Variants in MAGI3 observed in about 807,000 individuals in gnomAD.
MAGI3 encodes the protein membrane associated guanylate kinase, WW and PDZ domain containing 3, also known as membrane-associated guanylate kinase, WW and PDZ domain-containing protein 3.
A neutral mutation model predicts 121.8 loss-of-function variants in MAGI3; 43 were observed. The observed-to-expected ratio is 0.35, with a 90% CI of 0.28 to 0.46. The LOEUF (loss-of-function observed/expected upper bound fraction) is 0.46, where lower values mean the gene tolerates loss of function less well. MAGI3 is among the 20% of genes least tolerant of loss of function. The pLI, the probability that MAGI3 is intolerant of heterozygous loss-of-function variation, is 1.00. For missense variants in MAGI3, 1,547 were observed against 1,797.3 expected (o/e 0.86, Z 2.52); for synonymous variants, 553 against 639.3 (o/e 0.86, Z 2.04).
At chr1:113,578,952 T>C (rs1341824204) in intron 2 of MAGI3, among the ~76,000 whole-genome samples, 1 of 66,700 alleles carries the variant, frequency 1.5e-5, no homozygotes, top group African/African-American at 8.4e-5. Flanking sequence ...TTTGTTATCA[T>C]AATCTTTGTT....
At chr1:113,522,951 C>T (rs1306359104) in intron 1 of MAGI3, among the ~76,000 whole-genome samples, 1 of 152,066 alleles carries the variant, frequency 6.6e-6, no homozygotes, top group East Asian at 1.9e-4. Flanking sequence ...TGGCTGTGTC[C>T]CCAGCAAAAT....
chr1:113,646,053 A>G (rs1303138325), intron 11 of MAGI3, among the ~76,000 whole-genome samples: 1 of 152,144 alleles, frequency 6.6e-6, no homozygotes, highest in Non-Finnish European at 1.5e-5. Flanking sequence ...ATTATCTTAA[A>G]CATCTTCCTT....
At chr1:113,573,554 G>T (rs1363448210) in intron 2 of MAGI3, among the ~76,000 whole-genome samples, 1 of 152,170 alleles carries the variant, frequency 6.6e-6, no homozygotes, top group African/African-American at 2.4e-5. Context: ...ACTGTGGTCC[G>T]AGAGAGCGTT....
At chr1:113,456,117 ATT>A (rs35038942) in intron 1 of MAGI3, among the ~76,000 whole-genome samples, 33 of 113,212 alleles carry the variant, frequency 2.9e-4, no homozygotes, top group African/African-American at 8.4e-4. Context: ...CGCCCGGCTA[ATT>A]TTTTTTTTTT....
chr1:113,646,770 C>T (rs1652875636), intron 12 of MAGI3, 128 bp downstream of exon 12: 4 of 680,536 alleles, frequency 5.9e-6, no homozygotes, highest in African/African-American at 1.8e-5. Flanking sequence ...TTTAATAGAA[C>T]TCTGGACTTC....
chr1:113,585,592 C>T lies in MAGI3; in HGVS notation c.759C>T (p.Asn253=), dbSNP rs773702535. Residue 253 remains asparagine (N), a synonymous_variant, in exon 4 of 21, where the codon AAC becomes AAT. Transcript: ENST00000307546. ...EDKEAINGSG[N]AENRERHSES... ...AGGAAGCTATTAATGGCAGTGGAAA[C>T]GCAGGTTTGTAAATAGATGAACAAC... 3.3e-5 allele frequency: 53 copies of T among 1,611,748 alleles called. No homozygotes were observed. In the South Asian group the frequency reaches 3.7e-4, roughly 11 times the overall value.
intron 1 of MAGI3, among the ~76,000 whole-genome samples, chr1:113,458,096 T>A (rs975622272): frequency 1.3e-5 from 2 of 152,204 alleles, no homozygotes; most frequent in African/African-American, 4.8e-5. Flanking sequence ...GGAAAACCTT[T>A]AGATTGTTTG....
rs906957976 is a variant in MAGI3 at position 113,414,718 on chromosome 1, A to G, written c.316+23369A>G. ...TGGAATACAAATTAATTTTTAAAGA[A>G]TGTTGAGTCTTCTATTTTATTTTAT... On this transcript the variant is annotated intron_variant, in intron 1 of 20. Transcript: ENST00000307546. Among the ~76,000 whole-genome samples, 20 of 151,982 alleles carry G rather than the reference A, an allele frequency of 1.3e-4. 1 individual carries two copies. The highest frequency in any genetic ancestry group is 2.6e-4 in the Admixed American group (4 of 15,240).
chr1:113,520,154 T>G (rs977387206), intron 1 of MAGI3, among the ~76,000 whole-genome samples: 2 of 152,148 alleles, frequency 1.3e-5, no homozygotes, highest in African/African-American at 2.4e-5. Context: ...TCAAGCATGT[T>G]AACTTTTGGA....
chr1:113,522,802 A>C (rs1188559588), intron 1 of MAGI3, among the ~76,000 whole-genome samples: 2 of 152,188 alleles, frequency 1.3e-5, no homozygotes, highest in African/African-American at 4.8e-5. Flanking sequence ...TTTAAACGAA[A>C]CTACTTGAAG....
At chr1:113,611,535 G>C (rs1650137627) in intron 6 of MAGI3, among the ~76,000 whole-genome samples, 1 of 151,824 alleles carries the variant, frequency 6.6e-6, no homozygotes, top group African/African-American at 2.4e-5. Flanking sequence ...TACCTTCTTT[G>C]TTTTATTATC....
At chr1:113,487,425 C>T (rs1222790008) in intron 1 of MAGI3, among the ~76,000 whole-genome samples, 1 of 152,024 alleles carries the variant, frequency 6.6e-6, no homozygotes, top group East Asian at 1.9e-4. Context: ...CCCATTTATG[C>T]CAGAAGTTGC....
chr1:113,619,732 A>G lies in MAGI3; in HGVS notation c.1077-4A>G. On this transcript the variant is annotated splice_polypyrimidine_tract_variant and splice_region_variant and intron_variant, in intron 7 of 20. Coordinates refer to ENST00000307546, the MANE Select transcript of MAGI3 (RefSeq NM_001142782.2). ...TGAAATGTATATTTTTCTGCATTCTACAGTCACCTTAACCAGAAAACCCAG... is the reference window on the plus strand; with the variant it reads ...TGAAATGTATATTTTTCTGCATTCTGCAGTCACCTTAACCAGAAAACCCAG... The G allele has an allele frequency of 6.3e-7, 1 of 1,599,176 alleles. No homozygotes were observed. Among genetic ancestry groups the G allele is most frequent in the Non-Finnish European group, 8.6e-7 (1 of 1,166,852 alleles).
At chr1:113,671,222 A>C (rs184608849) in intron 16 of MAGI3, among the ~76,000 whole-genome samples, 1 of 152,212 alleles carries the variant, frequency 6.6e-6, no homozygotes, top group African/African-American at 2.4e-5. Context: ...TCAGGATTCT[A>C]TAAGTTTGTC....
chr1:113,481,631 A>G (rs560663983), intron 1 of MAGI3, among the ~76,000 whole-genome samples: 1 of 152,288 alleles, frequency 6.6e-6, no homozygotes, highest in Non-Finnish European at 1.5e-5. Context: ...GCAAATTTCT[A>G]AATCTTGTAA....
At chr1:113,578,960 GT>G (rs60070679) in intron 2 of MAGI3, among the ~76,000 whole-genome samples, 110,563 of 151,394 alleles carry the variant, frequency 0.73, 40,847 homozygotes, top group South Asian at 0.77. Flanking sequence ...CATAATCTTT[GT>G]TTTTTTTTGT....
chr1:113,596,045 AAT>A (rs1648983326), intron 6 of MAGI3, among the ~76,000 whole-genome samples: 1 of 93,236 alleles, frequency 1.1e-5, no homozygotes, highest in Non-Finnish European at 2.5e-5. Context: ...TACTAATACT[AAT>A]ACTAATACTA....
chr1:113,483,545 C>T (rs533246328), intron 1 of MAGI3, among the ~76,000 whole-genome samples: 7 of 152,290 alleles, frequency 4.6e-5, no homozygotes, highest in South Asian at 2.1e-4. Context: ...AAGTTTCCCC[C>T]GTAATTGTGA....
chr1:113,641,141 A>G (rs1368874271), intron 9 of MAGI3, among the ~76,000 whole-genome samples: 1 of 129,626 alleles, frequency 7.7e-6, no homozygotes, highest in African/African-American at 3.0e-5. Flanking sequence ...TATATATGAT[A>G]TATAAATATA....
Sources: gnomAD v4.1 joint callset for allele counts (sites outside exome capture counted in the v4.1 genomes callset) on GRCh38, gnomAD v4.1.1 for gene constraint, MANE v1.5 for transcripts, NCBI Gene and HGNC (gene_info 2026-07-23, HGNC 2026-07-21) for gene names.